The following SLC39A10 variants were observed in gnomAD, a reference collection of about 807,000 sequenced individuals.
The protein encoded by SLC39A10 is solute carrier family 39 member 10, also known as zinc transporter ZIP10.
In SLC39A10, 13 loss-of-function variants were observed where a neutral mutation model predicts 65.1. The observed-to-expected ratio is 0.20, with a 90% CI of 0.13 to 0.32. The LOEUF is 0.32. Among genes scored for constraint, SLC39A10 ranks in the 10% least tolerant of loss-of-function variants. The pLI, the probability that SLC39A10 is intolerant of heterozygous loss-of-function variation, is 1.00. For missense variants in SLC39A10, 831 were observed against 1,018.4 expected (o/e 0.82, Z 2.50); for synonymous variants, 321 against 342.2 (o/e 0.94, Z 0.68).
At chr2:195,730,284 A>C (rs1437825794) in intron 9 of SLC39A10, among the ~76,000 whole-genome samples, 3 of 151,982 alleles carry the variant, frequency 2.0e-5, no homozygotes, top group Non-Finnish European at 4.4e-5. Context: ...ACAGTTGGTC[A>C]TTCTCTTTTC....
chr2:195,641,738 C>G (rs1226752837), intron 2 of SLC39A10, among the ~76,000 whole-genome samples: 1 of 146,082 alleles, frequency 6.8e-6, no homozygotes, highest in Non-Finnish European at 1.5e-5. Context: ...CTTGCCCAGG[C>G]TGGAGTGCAG....
At chr2:195,692,675 T>G (rs931599902) in intron 3 of SLC39A10, among the ~76,000 whole-genome samples, 1 of 152,202 alleles carries the variant, frequency 6.6e-6, no homozygotes, top group Non-Finnish European at 1.5e-5. Flanking sequence ...AGCTACTGAT[T>G]AATTTTGTAT....
At chr2:195,683,663 ACT>A in intron 2 of SLC39A10, 34 bp from the exon 3 acceptor site, 1 of 1,517,186 alleles carries the variant, frequency 6.6e-7, no homozygotes, top group South Asian at 1.2e-5. Flanking sequence ...CCTTAAAGAC[ACT>A]CTTATTTAAT....
chr2:195,616,693 TC>T, intron 2 of SLC39A10, among the ~76,000 whole-genome samples: 1 of 151,436 alleles, frequency 6.6e-6, no homozygotes, highest in Middle Eastern at 3.4e-3. Flanking sequence ...AAGCTCCGCC[TC>T]CCAGGTTCAC....
chr2:195,635,519 C>T (rs1688679052), intron 2 of SLC39A10, among the ~76,000 whole-genome samples: 1 of 152,170 alleles, frequency 6.6e-6, no homozygotes, highest in South Asian at 2.1e-4. Context: ...AGTAGTTTAG[C>T]ACAAATCAAA....
chr2:195,683,965 T>A, intron 3 of SLC39A10, 59 bp downstream of exon 3: 2 of 1,121,336 alleles, frequency 1.8e-6, no homozygotes, highest in South Asian at 1.5e-5. Flanking sequence ...CTTTTTAAAC[T>A]ATAGTTGAAT....
At chr2:195,699,095 T>C (rs1021330207) in intron 3 of SLC39A10, among the ~76,000 whole-genome samples, 1 of 152,060 alleles carries the variant, frequency 6.6e-6, no homozygotes, top group Admixed American at 6.6e-5. Context: ...CAGCTGTTCA[T>C]AGTATTCTAT....
At chr2:195,656,458 T>C (rs1689146235), upstream of SLC39A10, among the ~76,000 whole-genome samples, 1 of 152,138 alleles carries the variant, frequency 6.6e-6, no homozygotes, top group East Asian at 1.9e-4. Flanking sequence ...AAATAGTCGA[T>C]CAGTTGAGGA....
At chr2:195,623,308 G>A (rs1688388839) in intron 2 of SLC39A10, among the ~76,000 whole-genome samples, 2 of 152,130 alleles carry the variant, frequency 1.3e-5, no homozygotes, top group African/African-American at 4.8e-5. Flanking sequence ...TTGTTTTCTT[G>A]ACAATAGGAG....
chr2:195,663,807 A>G (rs988355568), intron 1 of SLC39A10, among the ~76,000 whole-genome samples: 1 of 149,322 alleles, frequency 6.7e-6, no homozygotes, highest in African/African-American at 2.5e-5. Flanking sequence ...TTTTTTTTCA[A>G]CTTTTATTTT....
intron 3 of SLC39A10, among the ~76,000 whole-genome samples, chr2:195,689,345 G>T (rs1411151085): frequency 6.6e-6 from 1 of 152,026 alleles, no homozygotes; most frequent in South Asian, 2.1e-4. Context: ...TGACCTTAGC[G>T]TGGGAGGTTG....
At chr2:195,693,323 G>C (rs1690814807) in intron 3 of SLC39A10, among the ~76,000 whole-genome samples, 1 of 152,106 alleles carries the variant, frequency 6.6e-6, no homozygotes, top group African/African-American at 2.4e-5. Flanking sequence ...TGGTATTAGG[G>C]TGATACTTGC....
rs532199830 is a variant in SLC39A10, at chr2:195,618,753, T to A, written c.-12+12520T>A. On this transcript the variant is annotated intron_variant, in intron 2 of 2. Transcript: ENST00000458054. The stretch of plus-strand genomic sequence containing the variant: ...TGCATATTAAGCAATAGAGACAATG[T>A]GAATTTTTTTAAGGTAAAAAATGGC... Among the ~76,000 whole-genome samples, 8 of 152,290 alleles carry A rather than the reference T, an allele frequency of 5.3e-5. No individual in the cohort carries two copies. In the South Asian group the frequency reaches 1.0e-3, roughly 20 times the overall value.
chr2:195,690,173 GAAAAAAAAAAAAAAA>G (rs34116515), intron 3 of SLC39A10, among the ~76,000 whole-genome samples: 6 of 61,150 alleles, frequency 9.8e-5, no homozygotes, highest in Admixed American at 8.0e-4. Context: ...GAGACTCTCT[GAAAAAAAAAAAAAAA>G]AAAAAAAAAA....
At chr2:195,673,023 T>C (rs1227810123) in intron 1 of SLC39A10, among the ~76,000 whole-genome samples, 1 of 152,208 alleles carries the variant, frequency 6.6e-6, no homozygotes, top group Non-Finnish European at 1.5e-5. Context: ...GGTGACTTTA[T>C]CCATGAGACT....
intron 3 of SLC39A10, among the ~76,000 whole-genome samples, chr2:195,690,507 A>T (rs576905830): frequency 6.6e-6 from 1 of 152,314 alleles, no homozygotes; most frequent in Admixed American, 6.5e-5. Flanking sequence ...AAGAGTGCAC[A>T]AGTCTCCCAG....
At chr2:195,622,084 G>T (rs1406781193) in intron 2 of SLC39A10, among the ~76,000 whole-genome samples, 1 of 152,114 alleles carries the variant, frequency 6.6e-6, no homozygotes, top group Middle Eastern at 3.4e-3. Flanking sequence ...AGTGATTTAG[G>T]GCTGGGGGCC....
Position 195,737,171 on chromosome 2 carries a change from CTAGTAT to C in SLC39A10, c.*2134_*2139del, listed in dbSNP as rs991177766. ...TTTAAGAGGGCTGTAACAGTTGCTG[CTAGTAT>C]TAGGGTTCCACATCATTCTAATGTA... On this transcript the variant is annotated 3_prime_UTR_variant, in exon 10 of 10. Transcript: ENST00000359634. The C allele has an allele frequency of 6.6e-6, 1 of 152,148 alleles. No individual in the cohort carries two copies. The highest frequency in any genetic ancestry group is 1.5e-5 in the Non-Finnish European group (1 of 68,014). The allele number at this position is 152,148 out of a possible 1,614,324, so 9.4% of individuals were successfully genotyped here. A position where few individuals can be genotyped will look rare whatever the true frequency, so the allele number is the denominator to read the frequency against.
chr2:195,693,188 T>C (rs964879282), intron 3 of SLC39A10, among the ~76,000 whole-genome samples: 3 of 152,208 alleles, frequency 2.0e-5, no homozygotes, highest in East Asian at 3.8e-4. Context: ...TTGATCATGG[T>C]AGATTACCGT....
Sources: gnomAD v4.1 joint callset for allele counts (sites outside exome capture counted in the v4.1 genomes callset) on GRCh38, gnomAD v4.1.1 for gene constraint, MANE v1.5 for transcripts, NCBI Gene and HGNC (gene_info 2026-07-23, HGNC 2026-07-21) for gene names.